Variants in NRG1 observed in about 807,000 individuals in gnomAD.
NRG1 encodes the protein pro-neuregulin-1, membrane-bound isoform.
NRG1 carries 18 observed loss-of-function variants against 63.8 expected under a neutral mutation model. The observed-to-expected ratio is 0.28, with a 90% confidence interval of 0.19 to 0.42. The LOEUF is 0.42. Among genes scored for constraint, NRG1 ranks in the 10% least tolerant of loss-of-function variants. The pLI, the probability that NRG1 is intolerant of heterozygous loss-of-function variation, is 1.00. For missense variants in NRG1, 762 were observed against 814.7 expected (o/e 0.94, Z 0.79); for synonymous variants, 302 against 301.3 (o/e 1.00, Z -0.02).
At chr8:31,779,076 T>G (rs1473192448) in intron 1 of NRG1, among the ~76,000 whole-genome samples, 4 of 152,164 alleles carry the variant, frequency 2.6e-5, no homozygotes, top group African/African-American at 4.8e-5. Context: ...TCAGGGACAT[T>G]TTAGCATAGT....
At chr8:32,338,657 A>T (rs1803651223) in intron 1 of NRG1, among the ~76,000 whole-genome samples, 1 of 151,338 alleles carries the variant, frequency 6.6e-6, no homozygotes, top group Non-Finnish European at 1.5e-5. Flanking sequence ...TCAGTAAAAT[A>T]AAAAAAGGAT....
At chr8:32,213,445 ACACTGGGG>A (rs1197459772) in intron 1 of NRG1, among the ~76,000 whole-genome samples, 1 of 152,052 alleles carries the variant, frequency 6.6e-6, no homozygotes, top group African/African-American at 2.4e-5. Context: ...GTAACAACAC[ACACTGGGG>A]CCTGTCGGGG....
At chr8:32,578,385 A>G (rs767263401) in intron 1 of NRG1, among the ~76,000 whole-genome samples, 3 of 152,076 alleles carry the variant, frequency 2.0e-5, no homozygotes, top group Non-Finnish European at 2.9e-5. Flanking sequence ...CAAATTGTTC[A>G]TGTGCTGATA....
chr8:32,544,634 C>G (rs6983052), upstream of NRG1, among the ~76,000 whole-genome samples: 22,666 of 149,062 alleles, frequency 0.15, 1,943 homozygotes, highest in Middle Eastern at 0.19. Context: ...CTCCCAGTAG[C>G]TGGGACTACA....
chr8:31,746,889 A>G (rs1253825439), intron 1 of NRG1, among the ~76,000 whole-genome samples: 2 of 151,984 alleles, frequency 1.3e-5, no homozygotes, highest in Non-Finnish European at 2.9e-5. Flanking sequence ...CATTATTTTA[A>G]GTGAAATAAA....
intron 5 of NRG1, chr8:32,647,092 C>T (rs1853730821): frequency 2.0e-6 from 2 of 985,240 alleles, no homozygotes; most frequent in African/African-American, 1.7e-5. Flanking sequence ...TGGCTGCACT[C>T]TTGCCTCCGG....
At chr8:32,276,560 C>A (rs1396058598) in intron 1 of NRG1, among the ~76,000 whole-genome samples, 1 of 152,104 alleles carries the variant, frequency 6.6e-6, no homozygotes, top group Non-Finnish European at 1.5e-5. Flanking sequence ...GGCTGGAGTG[C>A]AATGTCACAA....
chr8:31,985,980 T>A (rs1209072683), intron 1 of NRG1, among the ~76,000 whole-genome samples: 84 of 149,506 alleles, frequency 5.6e-4, no homozygotes, highest in African/African-American at 1.9e-3. Flanking sequence ...CATCAACTCT[T>A]TTAGCAAATT....
intron 1 of NRG1, among the ~76,000 whole-genome samples, chr8:32,126,734 C>CACAAACAAAA (rs1195181599): frequency 6.6e-6 from 1 of 151,942 alleles, no homozygotes; most frequent in Non-Finnish European, 1.5e-5. Context: ...TTTTCCATCA[C>CACAAACAAAA]ACTGATTGTT....
At chr8:31,717,259 T>A (rs1168133143) in intron 1 of NRG1, among the ~76,000 whole-genome samples, 1 of 151,150 alleles carries the variant, frequency 6.6e-6, no homozygotes, top group African/African-American at 2.4e-5. Context: ...AAACAAAAAT[T>A]TGCTGAGTGT....
chr8:31,958,135 T>A (rs1804792372), intron 1 of NRG1, among the ~76,000 whole-genome samples: 1 of 151,978 alleles, frequency 6.6e-6, no homozygotes, highest in South Asian at 2.1e-4. Flanking sequence ...GTGTGTGTTG[T>A]GTGTTTGTAT....
intron 1 of NRG1, among the ~76,000 whole-genome samples, chr8:31,899,283 T>C (rs1831873789): frequency 6.6e-6 from 1 of 151,524 alleles, no homozygotes; most frequent in Non-Finnish European, 1.5e-5. Flanking sequence ...TATTCTTTCT[T>C]TTTTTTTGTA....
intron 1 of NRG1, among the ~76,000 whole-genome samples, chr8:32,553,918 A>G (rs1251599983): frequency 6.6e-6 from 1 of 152,126 alleles, no homozygotes; most frequent in Admixed American, 6.5e-5. Context: ...AAAGTTCTGG[A>G]AGTGTGATAG....
chr8:32,355,452 C>T (rs1273396838), intron 1 of NRG1, among the ~76,000 whole-genome samples: 1 of 151,916 alleles, frequency 6.6e-6, no homozygotes, highest in African/African-American at 2.4e-5. Context: ...GAGCAAGACT[C>T]CCGTCTCAAA....
At chr8:32,048,306 CATAT>C (rs966465436) in intron 1 of NRG1, among the ~76,000 whole-genome samples, 1 of 149,264 alleles carries the variant, frequency 6.7e-6, no homozygotes, top group African/African-American at 2.5e-5. Flanking sequence ...TATATTCATA[CATAT>C]ATGTATGTAT....
chr8:31,801,096 C>T (rs1053669439), intron 1 of NRG1, among the ~76,000 whole-genome samples: 2 of 151,862 alleles, frequency 1.3e-5, no homozygotes, highest in African/African-American at 4.8e-5. Context: ...ATCCACCTGC[C>T]TCGGCCTCCC....
chr8:31,702,746 T>A (rs1810753281), intron 1 of NRG1, among the ~76,000 whole-genome samples: 1 of 152,138 alleles, frequency 6.6e-6, no homozygotes, highest in Non-Finnish European at 1.5e-5. Context: ...TCAACAGCTA[T>A]TACTTTATTT....
intron 1 of NRG1, among the ~76,000 whole-genome samples, chr8:31,866,880 A>G (rs764062952): frequency 6.6e-6 from 1 of 152,150 alleles, no homozygotes; most frequent in Non-Finnish European, 1.5e-5. Context: ...TTAGTTATTG[A>G]ATTGTCTAGG....
intron 1 of NRG1, among the ~76,000 whole-genome samples, chr8:32,278,154 A>G (rs1852307049): frequency 6.6e-6 from 1 of 152,218 alleles, no homozygotes; most frequent in Non-Finnish European, 1.5e-5. Context: ...TCATGGCATT[A>G]AATCATTGAA....
Sources: allele counts gnomAD v4.1 joint callset (sites outside exome capture counted in the v4.1 genomes callset), GRCh38; gene constraint gnomAD v4.1.1; transcripts MANE v1.5; gene names NCBI Gene and HGNC (gene_info 2026-07-23, HGNC 2026-07-21).